Variants in SMTNL1 observed in about 807,000 individuals in gnomAD.
The protein encoded by SMTNL1 is smoothelin like 1, also known as smoothelin-like protein 1.
Under a neutral mutation model 46.6 loss-of-function variants are expected in SMTNL1, and 41 were observed. That is an observed-to-expected ratio of 0.88 (90% CI 0.69 to 1.14). The LOEUF (loss-of-function observed/expected upper bound fraction) is 1.14, where lower values mean the gene tolerates loss of function less well. SMTNL1 is among the 50% of genes most tolerant of loss of function. SMTNL1 has a pLI of 0.00. For missense variants in SMTNL1, 591 were observed against 626.1 expected, an observed-to-expected ratio of 0.94 and a Z score of 0.60; for synonymous variants, 234 against 234.2, an observed-to-expected ratio of 1.00 and a Z score of 0.01.
chr11:57,544,270 C>T (rs966393175), intron 4 of SMTNL1, among the ~76,000 whole-genome samples: 2 of 152,196 alleles, frequency 1.3e-5, no homozygotes. Context: ...ATCCCATCTA[C>T]TCGGGAGGCT....
In SMTNL1 at chr11:57,542,854, AT is replaced by A; in HGVS notation, c.213del (p.Asn71LysfsTer3). ...GMSAELQGEANGLDEVKVESQ... is the reference protein window; with the variant it reads ...GMSAELQGEAXGLDEVKVESQ... ...TCAGCAGAACTCCAGGGGGAAGCAA[AT>A]GGATTAGATGAGGTCAAAGTGGAAT... is the stretch of plus-strand genomic sequence containing the variant. On this transcript the variant is annotated frameshift_variant, in exon 2 of 8. Transcript: ENST00000527972. LOFTEE classifies it high-confidence loss of function. 1.9e-6 allele frequency: 3 copies of A among 1,612,894 alleles called. No homozygotes were observed. Among genetic ancestry groups the A allele is most frequent in the Non-Finnish European group, 2.5e-6 (3 of 1,179,436 alleles).
chr11:57,545,907 A>AGAGTCCCCCT lies in SMTNL1; in HGVS notation c.953_962dup (p.Ser322Ter). ...GAGTCTTCACCCAGCGACGTGCCCCAGAGTCCCCCTGAGTCCCCTTCCTCA... is the reference window on the plus strand; with the variant it reads ...GAGTCTTCACCCAGCGACGTGCCCCAGAGTCCCCCTGAGTCCCCCTGAGTCCCCTTCCTCA... On this transcript the variant is annotated frameshift_variant, in exon 5 of 8. Transcript: ENST00000527972. LOFTEE classifies it high-confidence loss of function. 1 of 1,613,462 alleles carries AGAGTCCCCCT rather than the reference A, an allele frequency of 6.2e-7. No homozygotes were observed. The highest frequency in any genetic ancestry group is 1.7e-4 in the Middle Eastern group (1 of 6,054).
At chr11:57,541,615 A>G (rs1944878710) in intron 1 of SMTNL1, 2 of 1,351,780 alleles carry the variant, frequency 1.5e-6, no homozygotes, top group African/African-American at 1.5e-5. Flanking sequence ...ACCTTTTCCA[A>G]AAACCACAGG....
intron 4 of SMTNL1, 34 bp from the exon 5 acceptor site, chr11:57,545,847 C>T (rs775643968): frequency 6.3e-7 from 1 of 1,594,646 alleles, no homozygotes; most frequent in South Asian, 1.1e-5. Flanking sequence ...CTGGTCCCAG[C>T]CTCTCTCACA....
At chr11:57,539,174 C>A (rs1427863503) in intron 1 of SMTNL1, among the ~76,000 whole-genome samples, 1 of 151,938 alleles carries the variant, frequency 6.6e-6, no homozygotes, top group Non-Finnish European at 1.5e-5. Flanking sequence ...CATAGCGAGA[C>A]CCCATCTCTA....
Position 57,542,735 on chromosome 11 carries a change from AGAG to A in SMTNL1, c.97_99del (p.Glu33del), listed in dbSNP as rs1565154688. 6.2e-7 allele frequency: 1 copy of A among 1,613,934 alleles called. No homozygotes were observed. The highest frequency in any genetic ancestry group is 1.1e-5 in the South Asian group (1 of 91,062). On this transcript the variant is annotated inframe_deletion, in exon 2 of 8. Transcript: ENST00000527972. ...AGATGTCAGGAGGTGGAGCCCCTGC[AGAG>A]GAGACCAAAGGCACAGCTGGAAAGG...
rs775417013 is a variant in SMTNL1 at position 57,549,950 on chromosome 11, T to C, written c.1341-18T>C. On this transcript the variant is annotated intron_variant, in intron 7 of 7. Coordinates refer to ENST00000527972, the MANE Select transcript of SMTNL1 (RefSeq NM_001105565.3). Reference sequence around the variant, plus strand: ...TTCACCTTTGACCTTCTGCTCCTCATTCCACCCCATTCCTTAGGAAACTGG... The same window carrying C: ...TTCACCTTTGACCTTCTGCTCCTCACTCCACCCCATTCCTTAGGAAACTGG... 1.2e-6 allele frequency: 2 copies of C among 1,613,466 alleles called. No homozygotes were observed. The highest frequency in any genetic ancestry group is 2.2e-5 in the South Asian group (2 of 91,036).
At position 57,550,200 on chromosome 11, in the gene SMTNL1, AC is replaced by A; in HGVS notation, c.*90del. 1 of 1,404,578 alleles carries A rather than the reference AC, an allele frequency of 7.1e-7. No individual in the cohort carries two copies. Among genetic ancestry groups the A allele is most frequent in the Non-Finnish European group, 9.6e-7 (1 of 1,043,412 alleles). 87.0% of individuals were successfully genotyped at this position (1,404,578 alleles called of 1,614,324 possible). Reference sequence around the variant, plus strand: ...GGGTTCCCTTCTGCTCCATGGAGGCACCAGAGCCAGGGGCTTAGGCAAGGGT... The same window carrying A: ...GGGTTCCCTTCTGCTCCATGGAGGCACAGAGCCAGGGGCTTAGGCAAGGGT... On this transcript the variant is annotated 3_prime_UTR_variant, in exon 8 of 8. Coordinates refer to ENST00000527972, the MANE Select transcript of SMTNL1 (RefSeq NM_001105565.3).
At chr11:57,540,669 C>T (rs750667163) in intron 1 of SMTNL1, among the ~76,000 whole-genome samples, 1 of 151,914 alleles carries the variant, frequency 6.6e-6, no homozygotes, top group Non-Finnish European at 1.5e-5. Flanking sequence ...TCACACCTCC[C>T]GGCATCTCTG....
intron 1 of SMTNL1, among the ~76,000 whole-genome samples, chr11:57,541,944 T>C (rs1944880477): frequency 6.6e-6 from 1 of 151,374 alleles, no homozygotes. Context: ...CAGGGGAGAG[T>C]AGCAATTGTT....
chr11:57,549,526 T>A (rs1376022259), intron 7 of SMTNL1, among the ~76,000 whole-genome samples: 1 of 152,020 alleles, frequency 6.6e-6, no homozygotes, highest in Non-Finnish European at 1.5e-5. Context: ...TATTTTAATT[T>A]TTGTTTTTAT....
chr11:57,542,330 C>A (rs549776938), intron 1 of SMTNL1, among the ~76,000 whole-genome samples: 5 of 152,254 alleles, frequency 3.3e-5, no homozygotes, highest in Admixed American at 2.6e-4. Flanking sequence ...ATTGTGACCA[C>A]CTCAGTGGCT....
chr11:57,542,109 A>ACACACACACAC (rs1944882327), intron 1 of SMTNL1, among the ~76,000 whole-genome samples: 12 of 60,516 alleles, frequency 2.0e-4, no homozygotes, highest in African/African-American at 6.0e-4. Flanking sequence ...CTCTACAAAA[A>ACACACACACAC]AAAAACACAC....
At position 57,546,019 on chromosome 11, in the gene SMTNL1, C is replaced by A. The variant is rs955335008; in HGVS notation, c.1056C>A (p.Ile352=). The change falls in exon 5 of 8, where the codon ATC becomes ATA. Residue 352 remains isoleucine (I), a synonymous_variant. Coordinates refer to ENST00000527972, the MANE Select transcript of SMTNL1 (RefSeq NM_001105565.3). ...CCCGGGCACAGAACCGCAAAGCCATCGTGGACAAGTTTGGCGGGTAGGACA... is the reference window on the plus strand; with the variant it reads ...CCCGGGCACAGAACCGCAAAGCCATAGTGGACAAGTTTGGCGGGTAGGACA... The part of the protein sequence containing the change: ...RGPRAQNRKA[I]VDKFGGAASG... 6.3e-7 allele frequency: 1 copy of A among 1,591,540 alleles called. No individual in the cohort carries two copies.
intron 7 of SMTNL1, among the ~76,000 whole-genome samples, chr11:57,547,219 G>A (rs1395312273): frequency 1.3e-5 from 2 of 152,200 alleles, no homozygotes; most frequent in Non-Finnish European, 2.9e-5. Flanking sequence ...AGGGCAAGCA[G>A]CTCTGCTCTC....
chr11:57,546,176 G>A (rs1023748429), intron 5 of SMTNL1, 57 bp from the exon 6 acceptor site: 2 of 1,519,470 alleles, frequency 1.3e-6, no homozygotes, highest in Non-Finnish European at 1.8e-6. Context: ...CTCCCAGTGG[G>A]GCCCTTCATG....
chr11:57,546,491 C>T lies in SMTNL1; in HGVS notation c.1189-10C>T, dbSNP rs748975609. On this transcript the variant is annotated splice_polypyrimidine_tract_variant and intron_variant, in intron 6 of 7. Coordinates refer to ENST00000527972, the MANE Select transcript of SMTNL1 (RefSeq NM_001105565.3). ...TCACTGAGGCCTCCTCTGTGCCCTG[C>T]CTGCCATAGCATGTGGACATCCAGA... The T allele has an allele frequency of 8.7e-6, 14 of 1,613,988 alleles. No homozygotes were observed. The East Asian group carries it at 2.7e-4, about 31-fold the overall frequency.
In SMTNL1 at chr11:57,542,743, C is replaced by T. The variant is rs767289557; in HGVS notation, c.101C>T (p.Thr34Ile). The change falls in exon 2 of 8, where the codon ACC becomes ATC. Residue 34 changes from threonine (T) to isoleucine (I), a missense_variant. Physicochemically the swap from Thr to Ile is moderately conservative, Grantham distance 89. Coordinates refer to ENST00000527972, the MANE Select transcript of SMTNL1 (RefSeq NM_001105565.3). ...GGAGGTGGAGCCCCTGCAGAGGAGA[C>T]CAAAGGCACAGCTGGAAAGGCCATC... ...MSGGGAPAEETKGTAGKAINE... is the reference protein window; with the variant it reads ...MSGGGAPAEEIKGTAGKAINE... 9 of 1,613,920 alleles carry T rather than the reference C, an allele frequency of 5.6e-6. No homozygotes were observed. The Admixed American group carries it at 1.2e-4, about 21-fold the overall frequency.
chr11:57,545,107 G>C (rs1944911517), intron 4 of SMTNL1, among the ~76,000 whole-genome samples: 1 of 151,964 alleles, frequency 6.6e-6, no homozygotes, highest in African/African-American at 2.4e-5. Context: ...AAAGTGCTGG[G>C]ATTACAGGCA....
Sources: gnomAD v4.1 joint callset for allele counts (sites outside exome capture counted in the v4.1 genomes callset) on GRCh38, gnomAD v4.1.1 for gene constraint, MANE v1.5 for transcripts, NCBI Gene and HGNC (gene_info 2026-07-23, HGNC 2026-07-21) for gene names.